The following CELF6 variants were observed in gnomAD, a reference collection of about 807,000 sequenced individuals.
The protein encoded by CELF6 is Bruno -like 6, RNA binding protein.
A neutral mutation model predicts 53.1 loss-of-function variants in CELF6; 32 were observed. The observed-to-expected ratio is 0.60, with a 90% CI of 0.46 to 0.81. CELF6 has a LOEUF of 0.81. Ranked by LOEUF, CELF6 falls within the 30% of genes least tolerant of loss-of-function variation. The pLI, the probability that CELF6 is intolerant of heterozygous loss-of-function variation, is 0.00. For synonymous variants in CELF6, 291 were observed against 288.8 expected, an observed-to-expected ratio of 1.01 and a Z score of -0.08; for missense variants, 539 against 669.5, an observed-to-expected ratio of 0.81 and a Z score of 2.15.
intron 2 of CELF6, chr15:72,306,133 C>T: frequency 1.0e-6 from 1 of 984,002 alleles, no homozygotes; most frequent in Non-Finnish European, 1.2e-6. Flanking sequence ...ATTGAATCCC[C>T]ATCTCACCTT....
At chr15:72,308,638 T>A (rs2088260012) in intron 2 of CELF6, among the ~76,000 whole-genome samples, 1 of 152,210 alleles carries the variant, frequency 6.6e-6, no homozygotes, top group Non-Finnish European at 1.5e-5. Flanking sequence ...TTGACTTTGT[T>A]GTATTTCAAA....
intron 3 of CELF6, among the ~76,000 whole-genome samples, chr15:72,293,151 C>T (rs2088028700): frequency 6.6e-6 from 1 of 152,176 alleles, no homozygotes; most frequent in Admixed American, 6.5e-5. Context: ...TCCTGTTTCC[C>T]AGGTATCACC....
chr15:72,311,031 G>A (rs2088287506), intron 2 of CELF6, among the ~76,000 whole-genome samples: 1 of 151,914 alleles, frequency 6.6e-6, no homozygotes, highest in African/African-American at 2.4e-5. Flanking sequence ...TGTCTTTTAG[G>A]TTTCTAGATC....
intron 2 of CELF6, among the ~76,000 whole-genome samples, chr15:72,305,634 G>A (rs538178540): frequency 3.3e-5 from 5 of 152,188 alleles, no homozygotes; most frequent in South Asian, 4.2e-4. Context: ...CCAAGGTGCC[G>A]TTCTCAGCCC....
Position 72,288,399 on chromosome 15 carries a change from A to G in CELF6, c.1227T>C (p.Asp409=). ...GCAGGAATGTCTGTATGAGTTCCGC[A>G]TCACCAAACTCCTGAGGCAGGTGAT... ...FIYHLPQEFG[D]AELIQTFLPF... Residue 409 remains aspartate (D), a synonymous_variant, in exon 11 of 13, where the codon GAT becomes GAC. Coordinates refer to ENST00000287202, the MANE Select transcript of CELF6 (RefSeq NM_052840.5). This position sits in a 1 kb window ranked among gnomAD's most constrained non-coding sequence, Gnocchi z 4.6. 6.2e-7 allele frequency: 1 copy of G among 1,614,198 alleles called. No individual in the cohort carries two copies.
chr15:72,303,534 G>T (rs562145510), intron 3 of CELF6, among the ~76,000 whole-genome samples: 1 of 152,300 alleles, frequency 6.6e-6, no homozygotes, highest in African/African-American at 2.4e-5. Flanking sequence ...GTCTGAGAGG[G>T]GTACAGAATT....
intron 3 of CELF6, among the ~76,000 whole-genome samples, chr15:72,294,914 G>A (rs935514524): frequency 7.0e-6 from 1 of 143,044 alleles, no homozygotes; most frequent in Non-Finnish European, 1.5e-5. Flanking sequence ...GGAGGTGGAG[G>A]TTGCAGTGAG....
At chr15:72,310,756 C>T (rs1013436363) in intron 2 of CELF6, among the ~76,000 whole-genome samples, 1 of 152,040 alleles carries the variant, frequency 6.6e-6, no homozygotes, top group African/African-American at 2.4e-5. Flanking sequence ...TCCCAAAGTG[C>T]TGGGATTACA....
rs752351978 is a variant in CELF6, at chr15:72,288,206, A to C, written c.1318+102T>G. The C allele has an allele frequency of 3.7e-5, 47 of 1,275,532 alleles. No individual in the cohort carries two copies. In the Middle Eastern group the frequency reaches 9.5e-4, roughly 26 times the overall value. 79.0% of individuals were successfully genotyped at this position (1,275,532 alleles called of 1,614,324 possible). ...GACCCTGTTTTGTGCCATACATTCA[A>C]TCTCAGGAAATCACTGCATTATGGA... On this transcript the variant is annotated intron_variant, in intron 11 of 12. Coordinates refer to ENST00000287202, the MANE Select transcript of CELF6 (RefSeq NM_052840.5). The surrounding 1 kb of genome is among the most constrained non-coding windows in gnomAD (Gnocchi z 4.6).
At chr15:72,313,707 T>C in intron 2 of CELF6, 8 of 954,826 alleles carry the variant, frequency 8.4e-6, no homozygotes, top group Non-Finnish European at 1.0e-5. Context: ...GTTTCCCACA[T>C]GGAATGTTAC....
In CELF6 at chr15:72,290,009, A is replaced by G; in HGVS notation, c.533T>C (p.Phe178Ser). Reference protein sequence around the residue: ...SPDGTSKGCAFVKFGSQGEAQ... With the variant: ...SPDGTSKGCASVKFGSQGEAQ... ...TTCCCCTTGACTCCCGAACTTCACA[A>G]AGGCACAGCCTGGGGCAGGACAGAG... Residue 178 changes from phenylalanine (F) to serine (S), a missense_variant, in exon 5 of 13, where the codon TTT (phenylalanine) becomes TCT (serine). Physicochemically the swap from Phe to Ser is radical, Grantham distance 155. Transcript: ENST00000287202. 8 of 1,607,986 alleles carry G rather than the reference A, an allele frequency of 5.0e-6. No individual in the cohort carries two copies. The highest frequency in any genetic ancestry group is 6.8e-6 in the Non-Finnish European group (8 of 1,177,396).
intron 2 of CELF6, among the ~76,000 whole-genome samples, chr15:72,306,960 G>C (rs1012682643): frequency 2.6e-5 from 4 of 152,080 alleles, no homozygotes; most frequent in Admixed American, 1.3e-4. Flanking sequence ...GAGAGTTACT[G>C]GTGGAGAGGG....
In CELF6 at chr15:72,319,918, C is replaced by T. The variant is rs935064092; in HGVS notation, c.-44G>A. On this transcript the variant is annotated 5_prime_UTR_variant, in exon 1 of 13. Transcript: ENST00000287202. The surrounding 1 kb of genome is among the most constrained non-coding windows in gnomAD (Gnocchi z 5.0). ...CTCCCGCCGGTCCCACTGGTCCCGC[C>T]TGTCCCGCCGTCCCCTCCCTGGACC... The T allele has an allele frequency of 2.1e-6, 3 of 1,417,638 alleles. No individual in the cohort carries two copies. The highest frequency in any genetic ancestry group is 6.2e-5 in the Admixed American group (2 of 32,446). The allele number at this position is 1,417,638 out of a possible 1,614,324, so 87.8% of individuals were successfully genotyped here. A position where few individuals can be genotyped will look rare whatever the true frequency, so the allele number is the denominator to read the frequency against.
At chr15:72,311,311 C>T (rs1234812053) in intron 2 of CELF6, among the ~76,000 whole-genome samples, 4 of 150,148 alleles carry the variant, frequency 2.7e-5, no homozygotes, top group Non-Finnish European at 5.9e-5. Flanking sequence ...TTTTCCTTTA[C>T]GGTTTGACTC....
chr15:72,305,870 G>GC (rs1491479318), intron 2 of CELF6, among the ~76,000 whole-genome samples: 3 of 101,574 alleles, frequency 3.0e-5, no homozygotes, highest in African/African-American at 1.2e-4. Context: ...TTTTTTTTTT[G>GC]CCCCAACCTG....
intron 2 of CELF6, among the ~76,000 whole-genome samples, chr15:72,308,936 T>C (rs1469796183): frequency 6.6e-6 from 1 of 151,928 alleles, no homozygotes. Flanking sequence ...ACTCCTGACC[T>C]GTGGTCTTAC....
chr15:72,305,854 GTTTT>G (rs557602698), intron 2 of CELF6, among the ~76,000 whole-genome samples: 1 of 128,656 alleles, frequency 7.8e-6, no homozygotes, highest in Non-Finnish European at 1.7e-5. Context: ...GAGCTCATTT[GTTTT>G]TTTTTTTTTT....
intron 2 of CELF6, chr15:72,306,075 A>G: frequency 1.0e-6 from 1 of 984,882 alleles, no homozygotes; most frequent in Non-Finnish European, 1.2e-6. Flanking sequence ...TGATTTCAAT[A>G]TATCGCCCCC....
chr15:72,293,182 T>G lies in CELF6; in HGVS notation c.395-2927A>C, dbSNP rs1428519656. On this transcript the variant is annotated intron_variant, in intron 3 of 12. Coordinates refer to ENST00000287202, the MANE Select transcript of CELF6 (RefSeq NM_052840.5). ...TCACCTTAAATCCTGGTATCCTCTTTGCCACTTTACAGGGACCTTGATTGT... is the reference window on the plus strand; with the variant it reads ...TCACCTTAAATCCTGGTATCCTCTTGGCCACTTTACAGGGACCTTGATTGT... Among the ~76,000 whole-genome samples, 3 of 152,266 alleles carry G rather than the reference T, an allele frequency of 2.0e-5. No homozygotes were observed. The East Asian group carries it at 5.8e-4, about 29-fold the overall frequency.
Sources: gnomAD v4.1 joint callset for allele counts (sites outside exome capture counted in the v4.1 genomes callset) on GRCh38, gnomAD v4.1.1 for gene constraint, Gnocchi (gnomAD v3.1) non-coding constraint, MANE v1.5 for transcripts, NCBI Gene and HGNC (gene_info 2026-07-23, HGNC 2026-07-21) for gene names.